Variants in G2E3 observed in about 807,000 individuals in gnomAD.
The protein encoded by G2E3 is G2/M phase-specific E3 ubiquitin-protein ligase.
A neutral mutation model predicts 92.8 loss-of-function variants in G2E3; 35 were observed. The observed-to-expected ratio is 0.38, with a 90% CI of 0.29 to 0.50. The LOEUF (loss-of-function observed/expected upper bound fraction) is 0.50, where lower values mean the gene tolerates loss of function less well. Ranked by LOEUF, G2E3 falls within the 20% of genes least tolerant of loss-of-function variation. The probability of loss-of-function intolerance (pLI) is 0.94; values close to 1 mark genes in which losing one functional copy is unlikely to be tolerated. For synonymous variants in G2E3, 242 were observed against 272.4 expected (o/e 0.89, Z 1.10); for missense variants, 554 against 823.8 (o/e 0.67, Z 4.01).
intron 10 of G2E3, 35 bp from the exon 11 acceptor site, chr14:30,605,470 G>C (rs768740517): frequency 2.4e-6 from 2 of 841,042 alleles, no homozygotes; most frequent in Non-Finnish European, 3.7e-6. Context: ...GTACTTTAAA[G>C]TACTTATCTC....
intron 14 of G2E3, 45 bp downstream of exon 14, chr14:30,615,584 G>A: frequency 8.3e-7 from 1 of 1,209,242 alleles, no homozygotes; most frequent in Non-Finnish European, 1.1e-6. Context: ...CAGAATATTT[G>A]TTTCAGCATA....
chr14:30,575,830 C>T, intron 1 of G2E3, among the ~76,000 whole-genome samples: 1 of 152,096 alleles, frequency 6.6e-6, no homozygotes, highest in East Asian at 1.9e-4. Flanking sequence ...AAGATCTCTA[C>T]AATGAGAATT....
At chr14:30,615,008 CT>C (rs1238946552) in intron 13 of G2E3, among the ~76,000 whole-genome samples, 2 of 152,046 alleles carry the variant, frequency 1.3e-5, no homozygotes, top group Non-Finnish European at 1.5e-5. Context: ...TAATAATTAG[CT>C]TTGAAGTGTA....
chr14:30,564,258 A>G (rs996822006), intron 1 of G2E3, among the ~76,000 whole-genome samples: 1 of 152,228 alleles, frequency 6.6e-6, no homozygotes, highest in Admixed American at 6.5e-5. Flanking sequence ...TACAATGGAC[A>G]TATGCCTTAT....
chr14:30,608,940 C>T (rs143054531), intron 12 of G2E3, among the ~76,000 whole-genome samples: 1 of 152,164 alleles, frequency 6.6e-6, no homozygotes, highest in Non-Finnish European at 1.5e-5. Context: ...TGAGCTCACA[C>T]CACTGCACTC....
At chr14:30,573,891 TG>T (rs770183580) in intron 1 of G2E3, among the ~76,000 whole-genome samples, 1 of 152,186 alleles carries the variant, frequency 6.6e-6, no homozygotes, top group Non-Finnish European at 1.5e-5. Flanking sequence ...TCCTGTGGCC[TG>T]GTAAAGGTAA....
chr14:30,609,807 T>C (rs1255219255), intron 12 of G2E3, among the ~76,000 whole-genome samples: 2 of 152,210 alleles, frequency 1.3e-5, no homozygotes, highest in African/African-American at 4.8e-5. Context: ...TTCCAAGCTG[T>C]CTTGGAGAGT....
intron 6 of G2E3, among the ~76,000 whole-genome samples, chr14:30,595,554 T>G (rs1881238061): frequency 6.6e-6 from 1 of 152,228 alleles, no homozygotes; most frequent in Non-Finnish European, 1.5e-5. Flanking sequence ...AGACTAGGTC[T>G]ACTTTATGCA....
At chr14:30,600,666 T>C (rs145355964) in intron 8 of G2E3, among the ~76,000 whole-genome samples, 1 of 152,340 alleles carries the variant, frequency 6.6e-6, no homozygotes, top group Non-Finnish European at 1.5e-5. Flanking sequence ...AGATATTGTC[T>C]ATCTGAATGA....
intron 6 of G2E3, among the ~76,000 whole-genome samples, chr14:30,596,103 C>A (rs2138863204): frequency 1.0e-5 from 1 of 97,514 alleles, no homozygotes; most frequent in Non-Finnish European, 1.8e-5. Flanking sequence ...TTGTTTCCCT[C>A]CCTTATATGG....
At chr14:30,606,533 A>G (rs1485325325) in intron 11 of G2E3, among the ~76,000 whole-genome samples, 1 of 152,132 alleles carries the variant, frequency 6.6e-6, no homozygotes, top group Non-Finnish European at 1.5e-5. Context: ...AATAAAATGT[A>G]AAAATAAAGA....
intron 1 of G2E3, among the ~76,000 whole-genome samples, chr14:30,564,563 G>C (rs964667959): frequency 6.6e-6 from 1 of 152,028 alleles, no homozygotes; most frequent in Non-Finnish European, 1.5e-5. Flanking sequence ...CAAACACCTA[G>C]CCTCAAGCGA....
chr14:30,612,874 A>C (rs906514027), intron 13 of G2E3, among the ~76,000 whole-genome samples: 53 of 152,192 alleles, frequency 3.5e-4, no homozygotes, highest in African/African-American at 1.3e-3. Context: ...TGAAAAAAGA[A>C]TTGTGTAAAT....
chr14:30,577,007 A>G (rs1042939800), intron 1 of G2E3, among the ~76,000 whole-genome samples: 1 of 152,084 alleles, frequency 6.6e-6, no homozygotes, highest in African/African-American at 2.4e-5. Context: ...CAGGCGGATC[A>G]TGAGGTCAAG....
At position 30,617,235 on chromosome 14, in the gene G2E3, A is replaced by G. The variant is rs1882354026; in HGVS notation, c.*701A>G. The G allele has an allele frequency of 6.6e-6, 1 of 151,942 alleles. No individual in the cohort carries two copies. Among genetic ancestry groups the G allele is most frequent in the South Asian group, 2.1e-4 (1 of 4,834 alleles). The allele number at this position is 151,942 out of a possible 1,614,324, so 9.4% of individuals were successfully genotyped here. On this transcript the variant is annotated 3_prime_UTR_variant, in exon 15 of 15. Transcript: ENST00000206595. ...ATCGAGATACTCAGCCAGCCTGGCA[A>G]TGTAGCAAAGACTCCATCTCAAAAA...
intron 2 of G2E3, among the ~76,000 whole-genome samples, chr14:30,581,960 C>A (rs184709367): frequency 2.6e-4 from 40 of 152,262 alleles, no homozygotes; most frequent in Admixed American, 9.8e-4. Context: ...ATTATTCTTA[C>A]AACTCTATAT....
intron 1 of G2E3, among the ~76,000 whole-genome samples, chr14:30,576,707 C>A (rs1162803561): frequency 6.6e-6 from 1 of 152,130 alleles, no homozygotes; most frequent in Non-Finnish European, 1.5e-5. Context: ...GACAACATTT[C>A]TGAGTTGTAA....
At chr14:30,560,205 G>C (rs561432800) in intron 1 of G2E3, 1 of 151,750 alleles carries the variant, frequency 6.6e-6, no homozygotes, top group African/African-American at 2.4e-5. Context: ...TGGTTTAAAA[G>C]TGTGCCATAA....
intron 1 of G2E3, among the ~76,000 whole-genome samples, chr14:30,565,602 C>T (rs931313352): frequency 5.2e-5 from 7 of 134,260 alleles, no homozygotes; most frequent in Non-Finnish European, 9.5e-5. Flanking sequence ...TGATCCATTT[C>T]GAGTTGATTT....
Sources: gnomAD v4.1 joint callset for allele counts (sites outside exome capture counted in the v4.1 genomes callset) on GRCh38, gnomAD v4.1.1 for gene constraint, MANE v1.5 for transcripts, NCBI Gene and HGNC (gene_info 2026-07-23, HGNC 2026-07-21) for gene names.